NOP9: variants seen among roughly 807,000 people sequenced by gnomAD.
NOP9 encodes nucleolar protein 9.
Under a neutral mutation model 63.0 loss-of-function variants are expected in NOP9, and 50 were observed. That is an observed-to-expected ratio of 0.79 (90% CI 0.63 to 1.00). NOP9 has a LOEUF of 1.00. NOP9 is among the 50% of genes least tolerant of loss of function. NOP9 has a pLI of 0.00. For synonymous variants in NOP9, 343 were observed against 332.8 expected, an observed-to-expected ratio of 1.03 and a Z score of -0.33; for missense variants, 758 against 803.0, an observed-to-expected ratio of 0.94 and a Z score of 0.68.
At chr14:24,293,676 C>G in the NOP9 span, 59,145 of 151,706 alleles carry the variant, frequency 0.39, 12,835 homozygotes, top group Middle Eastern at 0.57. Flanking sequence ...CTTTCCCTAC[C>G]CCTGCTGTCA....
In NOP9 at chr14:24,300,823, TGA is replaced by T. The variant is rs2041362790; in HGVS notation, c.669_670del (p.Arg223SerfsTer10). 1.2e-6 allele frequency: 2 copies of T among 1,613,822 alleles called. No individual in the cohort carries two copies. The highest frequency in any genetic ancestry group is 1.7e-5 in the Admixed American group (1 of 59,994). ...TGTTAGGAGGGACTATTCTGGAGTC[TGA>T]GAGAGCCAGGCCCCGTGGTTCCCAA... ...QVLGGTILES[E>X]RARPRGSQSS... is the part of the protein sequence containing the mutation. On this transcript the variant is annotated frameshift_variant, in exon 2 of 10. Coordinates refer to ENST00000267425, the MANE Select transcript of NOP9 (RefSeq NM_174913.3). LOFTEE classifies it high-confidence loss of function.
Position 24,304,232 on chromosome 14 carries a change from C to T in NOP9, c.1602C>T (p.Pro534=). Residue 534 remains proline (P), a synonymous_variant, in exon 8 of 10, where the codon CCC becomes CCT. Coordinates refer to ENST00000267425, the MANE Select transcript of NOP9 (RefSeq NM_174913.3). ...SHVLDAILTS[P]SVTRKLRRRV... is the part of the protein sequence containing the mutation. ...TGCTCGATGCCATCCTGACCAGCCCCTCTGTGACGCGCAAGCTGCGCCGCC... is the reference window on the plus strand; with the variant it reads ...TGCTCGATGCCATCCTGACCAGCCCTTCTGTGACGCGCAAGCTGCGCCGCC... 1.2e-6 allele frequency: 2 copies of T among 1,614,178 alleles called. No homozygotes were observed. The highest frequency in any genetic ancestry group is 1.7e-6 in the Non-Finnish European group (2 of 1,180,032).
chr14:24,286,665 T>C, the NOP9 span, among the ~76,000 whole-genome samples: 1 of 152,106 alleles, frequency 6.6e-6, no homozygotes, highest in Admixed American at 6.5e-5. Context: ...CGATCTCGAC[T>C]CACTGCAAGC....
Position 24,301,967 on chromosome 14 carries a change from T to C in NOP9, c.811T>C (p.Phe271Leu), listed in dbSNP as rs751637088. 4 of 1,613,034 alleles carry C rather than the reference T, an allele frequency of 2.5e-6. No homozygotes were observed. The Admixed American group carries it at 5.0e-5, about 20-fold the overall frequency. ...TTATTTCTGCCCTCTCTCCACAGTG[T>C]TTATCACTGATAAGATCTCCAGCTT... The part of the protein sequence containing the change: ...SSSFLKDIAV[F>L]ITDKISSFCL... The change falls in exon 4 of 10, where the codon TTT (phenylalanine) becomes CTT (leucine). Residue 271 changes from phenylalanine (F) to leucine (L), a missense_variant and splice_region_variant. Coordinates refer to ENST00000267425, the MANE Select transcript of NOP9 (RefSeq NM_174913.3).
chr14:24,299,193 T>TCTCCCCTACCCCCCAACCTC, upstream of NOP9: 1 of 1,465,184 alleles, frequency 6.8e-7, no homozygotes, highest in Non-Finnish European at 9.2e-7. Flanking sequence ...GGGGCGAGGT[T>TCTCCCCTACCCCCCAACCTC]GGGGGGTAGG....
At chr14:24,296,798 C>T, upstream of NOP9, 1 of 1,614,224 alleles carries the variant, frequency 6.2e-7, no homozygotes, top group African/African-American at 1.3e-5. Context: ...GTTCCCGATC[C>T]ACTTGCTCAA....
At chr14:24,293,573 A>AAAATAAATAAATAAATAAATAAAT in the NOP9 span, 186 of 150,506 alleles carry the variant, frequency 1.2e-3, no homozygotes, top group African/African-American at 3.5e-3. Context: ...GATTGTCTCA[A>AAAATAAATAAATAAATAAATAAAT]AAATAAATAA....
At chr14:24,286,363 C>T in the NOP9 span, among the ~76,000 whole-genome samples, 3 of 152,354 alleles carry the variant, frequency 2.0e-5, no homozygotes, top group African/African-American at 7.2e-5. Flanking sequence ...AGCCTTCTGG[C>T]TACTCCTCTG....
chr14:24,287,930 G>A, the NOP9 span, among the ~76,000 whole-genome samples: 1 of 152,174 alleles, frequency 6.6e-6, no homozygotes, highest in East Asian at 1.9e-4. Context: ...TCCCCAAAAT[G>A]TCCTAGTGCT....
At position 24,302,224 on chromosome 14, in the gene NOP9, G is replaced by T; in HGVS notation, c.951-8G>T. The T allele has an allele frequency of 6.2e-7, 1 of 1,606,580 alleles. No individual in the cohort carries two copies. On this transcript the variant is annotated splice_polypyrimidine_tract_variant and splice_region_variant and intron_variant, in intron 4 of 9. Coordinates refer to ENST00000267425, the MANE Select transcript of NOP9 (RefSeq NM_174913.3). ...GTTAAGACTGCCTGATGCCCTTCTT[G>T]TCCCTAGTCCCCTACTGCTATTTCT...
chr14:24,307,994 C>A lies in NOP9; in HGVS notation c.*2899C>A. On this transcript the variant is annotated 3_prime_UTR_variant, in exon 10 of 10. Transcript: ENST00000267425. ...GGTGGGAATGAGTCAAGCCTGGACT[C>A]TGGCCCCCCTGCCTGGCCAGTAAGA... 2.5e-6 allele frequency: 2 copies of A among 788,800 alleles called. No individual in the cohort carries two copies. Among genetic ancestry groups the A allele is most frequent in the Non-Finnish European group, 2.1e-6 (1 of 466,312 alleles). The allele number at this position is 788,800 out of a possible 1,614,324, so 48.9% of individuals were successfully genotyped here.
rs77824268 is a variant in NOP9, at chr14:24,306,784, T to G, written c.*1689T>G. ...GCTCCCCTCCAAGTCACTTCTGGTTTGGAATTGGAAAGCAAGCCAGGTTCT... is the reference window on the plus strand; with the variant it reads ...GCTCCCCTCCAAGTCACTTCTGGTTGGGAATTGGAAAGCAAGCCAGGTTCT... On this transcript the variant is annotated 3_prime_UTR_variant, in exon 10 of 10. Coordinates refer to ENST00000267425, the MANE Select transcript of NOP9 (RefSeq NM_174913.3). The G allele has an allele frequency of 2.0e-6, 1 of 506,440 alleles. No homozygotes were observed. Among genetic ancestry groups the G allele is most frequent in the African/African-American group, 1.9e-5 (1 of 52,086 alleles). The allele number at this position is 506,440 out of a possible 1,614,324, so 31.4% of individuals were successfully genotyped here. A position where few individuals can be genotyped will look rare whatever the true frequency, so the allele number is the denominator to read the frequency against.
chr14:24,305,881 A>G lies in NOP9; in HGVS notation c.*786A>G. On this transcript the variant is annotated 3_prime_UTR_variant, in exon 10 of 10. Transcript: ENST00000267425. ...AGCTAACTAGGGGTAGGTGGGTGCAAGAGGACGAATTATGGGGACTATCCA... is the reference window on the plus strand; with the variant it reads ...AGCTAACTAGGGGTAGGTGGGTGCAGGAGGACGAATTATGGGGACTATCCA... 1 of 1,584,040 alleles carries G rather than the reference A, an allele frequency of 6.3e-7. No individual in the cohort carries two copies. Among genetic ancestry groups the G allele is most frequent in the South Asian group, 1.2e-5 (1 of 86,210 alleles).
rs201242778 is a variant in NOP9, at chr14:24,305,018, C to T, written c.1834C>T (p.Arg612Trp). ...TGTGGCCTTGACTACCTTCCTAAAG[C>T]GGCGAGAGGCTTGGGAACAGCAGCA... ...RNVALTTFLKRREAWEQQQGA... is the reference protein window; with the variant it reads ...RNVALTTFLKWREAWEQQQGA... Residue 612 changes from arginine (R) to tryptophan (W), a missense_variant, in exon 10 of 10, where the codon CGG becomes TGG. Transcript: ENST00000267425. The T allele has an allele frequency of 5.3e-4, 852 of 1,606,914 alleles. No homozygotes were observed. Among genetic ancestry groups the T allele is most frequent in the Non-Finnish European group, 6.7e-4 (787 of 1,176,946 alleles).
In NOP9 at chr14:24,300,861, A is replaced by G. The variant is rs2041364019; in HGVS notation, c.697+4A>G. ...CCCCGTGGTTCCCAATCATCTGGTA[A>G]GTATTACAAGAGGAAAGTGGACCTA... is the stretch of plus-strand genomic sequence containing the variant. On this transcript the variant is annotated splice_donor_region_variant and intron_variant, in intron 2 of 9. Transcript: ENST00000267425. 1 of 1,603,968 alleles carries G rather than the reference A, an allele frequency of 6.2e-7. No individual in the cohort carries two copies. The highest frequency in any genetic ancestry group is 1.7e-5 in the Admixed American group (1 of 58,762).
At chr14:24,282,592 G>A in the NOP9 span, among the ~76,000 whole-genome samples, 9 of 152,088 alleles carry the variant, frequency 5.9e-5, no homozygotes, top group Admixed American at 1.3e-4. Context: ...GGCTTTGCGC[G>A]TTTCTTCTGG....
At chr14:24,292,825 G>T in the NOP9 span, 1 of 1,583,542 alleles carries the variant, frequency 6.3e-7, no homozygotes. Context: ...AACCGTGTTA[G>T]TGCTGGCCTG....
In NOP9 at chr14:24,306,075, T is replaced by C. The variant is rs1180381300; in HGVS notation, c.*980T>C. On this transcript the variant is annotated 3_prime_UTR_variant, in exon 10 of 10. Transcript: ENST00000267425. ...TTTGCTTGTACACGTCAAAGGTGAA[T>C]CGGGCGATGTCCTTGCTGTGCTTGG... 2.5e-6 allele frequency: 4 copies of C among 1,614,006 alleles called. No homozygotes were observed. The African/African-American group carries it at 5.3e-5, about 22-fold the overall frequency.
At chr14:24,285,647 C>G in the NOP9 span, among the ~76,000 whole-genome samples, 1 of 152,168 alleles carries the variant, frequency 6.6e-6, no homozygotes, top group Non-Finnish European at 1.5e-5. Flanking sequence ...TCCTTCAATA[C>G]CTTTTGGATT....
Sources: allele counts gnomAD v4.1 joint callset (sites outside exome capture counted in the v4.1 genomes callset), GRCh38; gene constraint gnomAD v4.1.1; transcripts MANE v1.5; gene names NCBI Gene and HGNC (gene_info 2026-07-23, HGNC 2026-07-21).